Variants in PEX10 observed in about 807,000 individuals in gnomAD.
The protein encoded by PEX10 is peroxisome biogenesis factor 10.
A neutral mutation model predicts 38.0 loss-of-function variants in PEX10; 32 were observed. That is an observed-to-expected ratio of 0.84 (90% CI 0.63 to 1.13). The LOEUF is 1.13. Among genes scored for constraint, PEX10 ranks in the 50% most tolerant of loss-of-function variants. The pLI, the probability that PEX10 is intolerant of heterozygous loss-of-function variation, is 0.00. For synonymous variants in PEX10, 206 were observed against 207.3 expected (o/e 0.99, Z 0.05); for missense variants, 483 against 457.7 (o/e 1.06, Z -0.51).
chr1:2,405,303 G>A lies in PEX10; in HGVS notation c.*463C>T. ...GGGCCGTGGGGCTGCTGTTCTCACT[G>A]CACTGGCTGAAGCAACCCGCCAGCC... On this transcript the variant is annotated 3_prime_UTR_variant, in exon 6 of 6. Coordinates refer to ENST00000447513, the MANE Select transcript of PEX10 (RefSeq NM_002617.4). 3 of 323,772 alleles carry A rather than the reference G, an allele frequency of 9.3e-6. No homozygotes were observed. Among genetic ancestry groups the A allele is most frequent in the Non-Finnish European group, 1.8e-5 (3 of 166,934 alleles). The allele number at this position is 323,772 out of a possible 1,614,324, so 20.1% of individuals were successfully genotyped here.
intron 4 of PEX10, 43 bp downstream of exon 4, chr1:2,406,677 G>A (rs757622465): frequency 1.2e-6 from 2 of 1,611,046 alleles, no homozygotes; most frequent in Non-Finnish European, 1.7e-6. Flanking sequence ...CTTGTGAAGT[G>A]CCCAGGACAC....
chr1:2,408,888 C>G (rs768742151), intron 2 of PEX10, 30 bp from the exon 3 acceptor site: 7 of 1,610,948 alleles, frequency 4.3e-6, no homozygotes, highest in Non-Finnish European at 5.9e-6. Flanking sequence ...TATGTGGACC[C>G]TGAGACTGCT....
In PEX10 at chr1:2,408,608, G is replaced by T. The variant is rs1442218906; in HGVS notation, c.444C>A (p.His148Gln). 4.3e-6 allele frequency: 7 copies of T among 1,611,438 alleles called. No homozygotes were observed. In the East Asian group the frequency reaches 1.6e-4, roughly 36 times the overall value. The change falls in exon 3 of 6, where the codon CAC (histidine) becomes CAA (glutamine). Residue 148 changes from histidine to glutamine, a missense_variant. By Grantham distance (24) the His-to-Gln change is conservative (BLOSUM62 0). Coordinates refer to ENST00000447513, the MANE Select transcript of PEX10 (RefSeq NM_002617.4). ...TCTGCTGCTCAGTCAGGGTGGCCGT[G>T]TGGTGACGCATCCAGCGCCGCGCCC... ...CSGARRWMRHHTATLTEQQRR... is the reference protein window; with the variant it reads ...CSGARRWMRHQTATLTEQQRR...
Position 2,412,422 on chromosome 1 carries a change from G to T in PEX10, c.81C>A (p.Ser27Arg). ...KDEYYRGGLRSAAGGALHSLA... is the reference protein window; with the variant it reads ...KDEYYRGGLRRAAGGALHSLA... ...GGCTGTGCAGGGCGCCGCCCGCCGC[G>T]CTCCGCAGCCCACCGCGGTAGTACT... The change falls in exon 1 of 6, where the codon AGC (serine) becomes AGA (arginine). Residue 27 changes from serine (S) to arginine (R), a missense_variant. Transcript: ENST00000447513. The T allele has an allele frequency of 1.4e-6, 2 of 1,415,482 alleles. No homozygotes were observed. Among genetic ancestry groups the T allele is most frequent in the Non-Finnish European group, 1.8e-6 (2 of 1,089,300 alleles). The allele number at this position is 1,415,482 out of a possible 1,614,324, so 87.7% of individuals were successfully genotyped here.
In PEX10 at chr1:2,412,307, C is replaced by A. The variant is rs542805840; in HGVS notation, c.112+84G>T. On this transcript the variant is annotated intron_variant, in intron 1 of 5. Transcript: ENST00000447513. Reference sequence around the variant, plus strand: ...TGGGACGGGCCCAGGCGACCGTGACCACACACGGCAGACACCCCGCCTCCA... The same window carrying A: ...TGGGACGGGCCCAGGCGACCGTGACAACACACGGCAGACACCCCGCCTCCA... 2.9e-4 allele frequency: 371 copies of A among 1,273,800 alleles called. 3 individuals are homozygous for A. The African/African-American group carries it at 4.9e-3, about 17-fold the overall frequency. The allele number at this position is 1,273,800 out of a possible 1,614,324, so 78.9% of individuals were successfully genotyped here. A position where few individuals can be genotyped will look rare whatever the true frequency, so the allele number is the denominator to read the frequency against.
Position 2,405,755 on chromosome 1 carries a change from C to T in PEX10, c.*11G>A, listed in dbSNP as rs3795270. 0.028 allele frequency: 44,664 copies of T among 1,594,616 alleles called. 908 individuals are homozygous for T. The highest frequency in any genetic ancestry group is 0.073 in the South Asian group (6,410 of 87,680). On this transcript the variant is annotated 3_prime_UTR_variant, in exon 6 of 6. Coordinates refer to ENST00000447513, the MANE Select transcript of PEX10 (RefSeq NM_002617.4). ...GAGGTCATCTGTGTCCAGGCCCACC[C>T]GGGCGCCGGCTCAGCGGTAGTGCCG...
chr1:2,408,417 C>T lies in PEX10; in HGVS notation c.600+35G>A, dbSNP rs1284213980. On this transcript the variant is annotated intron_variant, in intron 3 of 5. Coordinates refer to ENST00000447513, the MANE Select transcript of PEX10 (RefSeq NM_002617.4). ...AGTCCAGTGGGGGTGACAAGGACGG[C>T]CTAAGCAGCTGTGCCCTCAGCGCCT... 2.5e-6 allele frequency: 4 copies of T among 1,611,374 alleles called. No homozygotes were observed. The Admixed American group carries it at 5.0e-5, about 20-fold the overall frequency.
intron 1 of PEX10, among the ~76,000 whole-genome samples, chr1:2,411,652 C>G (rs1038401203): frequency 6.6e-6 from 1 of 152,130 alleles, no homozygotes; most frequent in African/African-American, 2.4e-5. Context: ...GATTCTCTTG[C>G]CTCAGCCTCC....
At chr1:2,412,599 C>T, upstream of PEX10, 1 of 977,054 alleles carries the variant, frequency 1.0e-6, no homozygotes. Flanking sequence ...CTGCGTGCGG[C>T]GCAGACCTCT....
chr1:2,412,482 G>T lies in PEX10; in HGVS notation c.21C>A (p.Ser7Arg), dbSNP rs1296095268. The T allele has an allele frequency of 7.2e-7, 1 of 1,383,990 alleles. No homozygotes were observed. 85.7% of individuals were successfully genotyped at this position (1,383,990 alleles called of 1,614,324 possible). Reference sequence around the variant, plus strand: ...GCGCCGCGCGGATCACCTCCGGGGGGCTGGCGGCGGCCGGGGCCATGGCCG... The same window carrying T: ...GCGCCGCGCGGATCACCTCCGGGGGTCTGGCGGCGGCCGGGGCCATGGCCG... Reference protein sequence around the residue: MAPAAASPPEVIRAAQK... With the variant: MAPAAARPPEVIRAAQK... The change falls in exon 1 of 6, where the codon AGC (serine) becomes AGA (arginine). Residue 7 changes from serine to arginine, a missense_variant. Coordinates refer to ENST00000447513, the MANE Select transcript of PEX10 (RefSeq NM_002617.4).
rs1013541484 is a variant in PEX10 at position 2,409,633 on chromosome 1, GC to G, written c.193+737del. 9 of 155,924 alleles carry G rather than the reference GC, an allele frequency of 5.8e-5. No homozygotes were observed. Among genetic ancestry groups the G allele is most frequent in the African/African-American group, 2.2e-4 (9 of 41,448 alleles). 9.7% of individuals were successfully genotyped at this position (155,924 alleles called of 1,614,324 possible). A position where few individuals can be genotyped will look rare whatever the true frequency, so the allele number is the denominator to read the frequency against. On this transcript the variant is annotated intron_variant, in intron 2 of 5. Coordinates refer to ENST00000447513, the MANE Select transcript of PEX10 (RefSeq NM_002617.4). This position sits in a 1 kb window ranked among gnomAD's most constrained non-coding sequence, Gnocchi z 6.2. ...TCTCCCCTGCCCACGTCCCTGGAAT[GC>G]CCCAAGCCTCGCACAGGGAAAGCTA...
At position 2,404,388 on chromosome 1, in the gene PEX10, T is replaced by C. The variant is rs1041526270; in HGVS notation, c.*1378A>G. On this transcript the variant is annotated 3_prime_UTR_variant, in exon 6 of 6. Coordinates refer to ENST00000447513, the MANE Select transcript of PEX10 (RefSeq NM_002617.4). ...ATTCTCAGACTGTGGACAGGAGTGT[T>C]TGTCATTTTTCATACTGTTTTCTTA... 6.6e-6 allele frequency: 1 copy of C among 152,234 alleles called. No individual in the cohort carries two copies. Among genetic ancestry groups the C allele is most frequent in the Non-Finnish European group, 1.5e-5 (1 of 68,044 alleles). The allele number at this position is 152,234 out of a possible 1,614,324, so 9.4% of individuals were successfully genotyped here.
At position 2,405,194 on chromosome 1, in the gene PEX10, T is replaced by TAGA; in HGVS notation, c.*571_*572insTCT. 1 of 182,172 alleles carries TAGA rather than the reference T, an allele frequency of 5.5e-6. No individual in the cohort carries two copies. The highest frequency in any genetic ancestry group is 1.2e-5 in the Non-Finnish European group (1 of 84,990). The allele number at this position is 182,172 out of a possible 1,614,324, so 11.3% of individuals were successfully genotyped here. On this transcript the variant is annotated 3_prime_UTR_variant, in exon 6 of 6. Transcript: ENST00000447513. ...GACGGAGGTGCTGGCCTTGGTTGGT[T>TAGA]TCTCTCTGCCCCGTGTGGTCATCAA...
At position 2,410,925 on chromosome 1, in the gene PEX10, G is replaced by A; in HGVS notation, c.113-474C>T. ...TTGTAAAACACTGGGAACAGTGTCT[G>A]GCACAGGGGTAAGTGCCAAGTGTAC... On this transcript the variant is annotated intron_variant, in intron 1 of 5. Coordinates refer to ENST00000447513, the MANE Select transcript of PEX10 (RefSeq NM_002617.4). This position sits in a 1 kb window ranked among gnomAD's most constrained non-coding sequence, Gnocchi z 5.1. 4.4e-6 allele frequency: 2 copies of A among 454,596 alleles called. No individual in the cohort carries two copies. Among genetic ancestry groups the A allele is most frequent in the Non-Finnish European group, 8.9e-6 (2 of 225,522 alleles). 28.2% of individuals were successfully genotyped at this position (454,596 alleles called of 1,614,324 possible). A position where few individuals can be genotyped will look rare whatever the true frequency, so the allele number is the denominator to read the frequency against.
chr1:2,407,036 C>CG (rs1454311804), intron 3 of PEX10, 141 bp from the exon 4 acceptor site: 2 of 1,220,980 alleles, frequency 1.6e-6, no homozygotes, highest in Non-Finnish European at 2.4e-6. Flanking sequence ...CCGGCAGAAA[C>CG]GATCAAGCCA....
At chr1:2,413,131 C>G (rs1166503019), upstream of PEX10, among the ~76,000 whole-genome samples, 5 of 152,210 alleles carry the variant, frequency 3.3e-5, no homozygotes, top group Admixed American at 2.6e-4. Context: ...CCGGGACCTT[C>G]CAGGCCCCGA....
chr1:2,410,447 C>G lies in PEX10; in HGVS notation c.117G>C (p.Ala39=). 1 of 1,613,974 alleles carries G rather than the reference C, an allele frequency of 6.2e-7. No homozygotes were observed. The highest frequency in any genetic ancestry group is 8.5e-7 in the Non-Finnish European group (1 of 1,179,928). ...CCTTCCTCCACTCCAGCCACTTCCT[C>G]GCACCTGAGAGGAGAAACAGTATTA... is the stretch of plus-strand genomic sequence containing the variant. ...AGGALHSLAG[A]RKWLEWRKEV... is the part of the protein sequence containing the mutation. Residue 39 remains alanine, a synonymous_variant, in exon 2 of 6, where the codon GCG becomes GCC. Transcript: ENST00000447513. The surrounding 1 kb of genome is among the most constrained non-coding windows in gnomAD (Gnocchi z 5.1).
rs1183894114 is a variant in PEX10 at position 2,409,370 on chromosome 1, G to A, written c.194-512C>T. 1.3e-5 allele frequency among the ~76,000 whole-genome samples: 2 copies of A among 152,046 alleles called. No individual in the cohort carries two copies. Among genetic ancestry groups the A allele is most frequent in the Non-Finnish European group, 1.5e-5 (1 of 67,978 alleles). On this transcript the variant is annotated intron_variant, in intron 2 of 5. Transcript: ENST00000447513. The surrounding 1 kb of genome is among the most constrained non-coding windows in gnomAD (Gnocchi z 6.2). ...CACCCCTGCCGAGACAGCTTTCAGC[G>A]CCCCCACCCAGAAAAGCCTGCTCCC...
rs188900370 is a variant in PEX10, at chr1:2,408,911, G to A, written c.194-53C>T. On this transcript the variant is annotated intron_variant, in intron 2 of 5. Coordinates refer to ENST00000447513, the MANE Select transcript of PEX10 (RefSeq NM_002617.4). Reference sequence around the variant, plus strand: ...CCCTGAGACTGCTGCCGCGGGGACAGGCTCCCGGCGCCCCTGCCAGCCGAC... The same window carrying A: ...CCCTGAGACTGCTGCCGCGGGGACAAGCTCCCGGCGCCCCTGCCAGCCGAC... The A allele has an allele frequency of 1.3e-5, 20 of 1,571,354 alleles. No homozygotes were observed. The East Asian group carries it at 4.5e-4, about 36-fold the overall frequency.
Sources: allele counts gnomAD v4.1 joint callset (sites outside exome capture counted in the v4.1 genomes callset), GRCh38; gene constraint gnomAD v4.1.1; non-coding constraint Gnocchi (gnomAD v3.1); transcripts MANE v1.5; gene names NCBI Gene and HGNC (gene_info 2026-07-23, HGNC 2026-07-21).